FBXL20: variants seen among roughly 807,000 people sequenced by gnomAD.
FBXL20 encodes the protein F-box/LRR-repeat protein 20.
A neutral mutation model predicts 64.0 loss-of-function variants in FBXL20; 11 were observed. That is an observed-to-expected ratio of 0.17 (90% confidence interval 0.11 to 0.28). The LOEUF (loss-of-function observed/expected upper bound fraction) is 0.28. Among genes scored for constraint, FBXL20 ranks in the 10% least tolerant of loss-of-function variants. The probability of loss-of-function intolerance (pLI) is 1.00; values close to 1 mark genes in which losing one functional copy is unlikely to be tolerated. For missense variants in FBXL20, 303 were observed against 526.2 expected, an observed-to-expected ratio of 0.58 and a Z score of 4.15; for synonymous variants, 184 against 189.0, an observed-to-expected ratio of 0.97 and a Z score of 0.22.
chr17:39,399,788 T>A lies in FBXL20; in HGVS notation c.42+1573A>T, dbSNP rs1024405584. Among the ~76,000 whole-genome samples, 3 of 152,168 alleles carry A rather than the reference T, an allele frequency of 2.0e-5. No individual in the cohort carries two copies. The South Asian group carries it at 6.2e-4, about 31-fold the overall frequency. ...TGTAAATTAAAGTATAAGATAATTA[T>A]AAAAATACAAAATAGCAATGTAATT... On this transcript the variant is annotated intron_variant, in intron 1 of 14. Coordinates refer to ENST00000264658, the MANE Select transcript of FBXL20 (RefSeq NM_032875.3).
At chr17:39,372,127 C>T (rs984502775) in intron 1 of FBXL20, among the ~76,000 whole-genome samples, 1 of 152,068 alleles carries the variant, frequency 6.6e-6, no homozygotes, top group African/African-American at 2.4e-5. Flanking sequence ...TTTTCCCATA[C>T]AAGGATTACA....
At chr17:39,384,340 T>C (rs2048056273) in intron 1 of FBXL20, among the ~76,000 whole-genome samples, 3 of 151,884 alleles carry the variant, frequency 2.0e-5, no homozygotes, top group African/African-American at 7.3e-5. Context: ...TCCTGGCCAA[T>C]ACGGTGAAAC....
chr17:39,282,105 T>C (rs1386973910), intron 8 of FBXL20, among the ~76,000 whole-genome samples: 1 of 152,230 alleles, frequency 6.6e-6, no homozygotes, highest in Non-Finnish European at 1.5e-5. Context: ...ATCCAAGTTA[T>C]GGTTTTAGTA....
chr17:39,318,071 T>C (rs985106483), intron 2 of FBXL20, among the ~76,000 whole-genome samples: 1 of 152,094 alleles, frequency 6.6e-6, no homozygotes, highest in Admixed American at 6.6e-5. Context: ...ATTTGAAGAA[T>C]GTAAAATCCC....
At chr17:39,332,871 G>A (rs1395427306) in intron 2 of FBXL20, among the ~76,000 whole-genome samples, 1 of 152,072 alleles carries the variant, frequency 6.6e-6, no homozygotes, top group East Asian at 1.9e-4. Flanking sequence ...CCATAGTTGT[G>A]TGTATGACTA....
chr17:39,382,820 G>C (rs1419182258), intron 1 of FBXL20, among the ~76,000 whole-genome samples: 2 of 151,960 alleles, frequency 1.3e-5, no homozygotes, highest in Admixed American at 6.6e-5. Context: ...GCCTGGGTGA[G>C]AGAGTGAGAC....
At chr17:39,349,891 G>A (rs920942879) in intron 1 of FBXL20, among the ~76,000 whole-genome samples, 6 of 149,880 alleles carry the variant, frequency 4.0e-5, no homozygotes, top group African/African-American at 9.8e-5. Context: ...AGCAGAGATC[G>A]CGCCACTGCA....
intron 1 of FBXL20, among the ~76,000 whole-genome samples, chr17:39,387,076 G>A (rs1186037733): frequency 6.6e-6 from 1 of 152,164 alleles, no homozygotes; most frequent in East Asian, 1.9e-4. Flanking sequence ...TGCATCAGTG[G>A]AAACTGCAAT....
intron 6 of FBXL20, among the ~76,000 whole-genome samples, chr17:39,287,580 T>A (rs1410615392): frequency 3.3e-5 from 5 of 152,196 alleles, no homozygotes; most frequent in Middle Eastern, 3.4e-3. Flanking sequence ...TTAAAAAAAT[T>A]TTTTTGTAGA....
At chr17:39,366,889 T>C (rs539433898) in intron 1 of FBXL20, among the ~76,000 whole-genome samples, 6 of 151,916 alleles carry the variant, frequency 3.9e-5, no homozygotes, top group Non-Finnish European at 8.8e-5. Flanking sequence ...GTCCTTTTTT[T>C]TTTTTTTTTC....
intron 2 of FBXL20, among the ~76,000 whole-genome samples, chr17:39,337,471 T>C (rs1269963373): frequency 2.0e-5 from 3 of 151,946 alleles, no homozygotes; most frequent in African/African-American, 7.3e-5. Context: ...GAGGAGCCCC[T>C]CTGCCTGGCT....
At chr17:39,333,647 T>G (rs1018156160) in intron 2 of FBXL20, among the ~76,000 whole-genome samples, 1 of 149,550 alleles carries the variant, frequency 6.7e-6, no homozygotes. Context: ...GGCTGCCCAG[T>G]CTGGGAAGTG....
At chr17:39,374,093 T>C (rs2144641335) in intron 1 of FBXL20, among the ~76,000 whole-genome samples, 1 of 119,628 alleles carries the variant, frequency 8.4e-6, no homozygotes, top group East Asian at 2.4e-4. Flanking sequence ...GTGGTGGTGG[T>C]GGGCGCCTGT....
intron 1 of FBXL20, among the ~76,000 whole-genome samples, chr17:39,348,064 C>T (rs994666326): frequency 1.3e-5 from 2 of 149,300 alleles, no homozygotes; most frequent in Admixed American, 6.7e-5. Flanking sequence ...TTACATTTCT[C>T]TCTAAACAAG....
chr17:39,299,235 T>C (rs887296592), intron 4 of FBXL20, 151 bp from the exon 5 acceptor site: 3 of 607,934 alleles, frequency 4.9e-6, no homozygotes, highest in Non-Finnish European at 5.8e-6. Flanking sequence ...CTGAGAAAGC[T>C]TTCCTGATTA....
intron 1 of FBXL20, among the ~76,000 whole-genome samples, chr17:39,393,583 T>A (rs1303322594): frequency 6.6e-6 from 1 of 152,202 alleles, no homozygotes; most frequent in Non-Finnish European, 1.5e-5. Flanking sequence ...GACCAGAAAT[T>A]CCTGGGATCA....
chr17:39,318,994 T>G (rs2047323379), intron 2 of FBXL20, among the ~76,000 whole-genome samples: 1 of 149,912 alleles, frequency 6.7e-6, no homozygotes, highest in Admixed American at 6.7e-5. Context: ...CTCACGCCTG[T>G]AATCTCAGCA....
intron 1 of FBXL20, among the ~76,000 whole-genome samples, chr17:39,374,032 G>A (rs760643308): frequency 2.0e-5 from 3 of 151,940 alleles, no homozygotes; most frequent in Non-Finnish European, 4.4e-5. Context: ...GACAAGCCTG[G>A]CCAACATGGC....
intron 1 of FBXL20, among the ~76,000 whole-genome samples, chr17:39,344,772 A>G (rs946969867): frequency 2.6e-5 from 4 of 152,180 alleles, no homozygotes; most frequent in Non-Finnish European, 5.9e-5. Context: ...CCTGGGTGAC[A>G]CAGCAATACT....
Sources: gnomAD v4.1 joint callset for allele counts (sites outside exome capture counted in the v4.1 genomes callset) on GRCh38, gnomAD v4.1.1 for gene constraint, MANE v1.5 for transcripts, NCBI Gene and HGNC (gene_info 2026-07-23, HGNC 2026-07-21) for gene names.